The following ADAMTSL3 variants were observed in gnomAD, a reference collection of about 807,000 sequenced individuals.
ADAMTSL3 encodes ADAMTS-like protein 3.
A neutral mutation model predicts 201.7 loss-of-function variants in ADAMTSL3; 128 were observed. The observed-to-expected ratio is 0.63, with a 90% CI of 0.55 to 0.73. The LOEUF (loss-of-function observed/expected upper bound fraction) is 0.73, where lower values mean the gene tolerates loss of function less well. Ranked by LOEUF, ADAMTSL3 falls within the 30% of genes least tolerant of loss-of-function variation. The probability of loss-of-function intolerance (pLI) is 0.00; values close to 1 mark genes in which losing one functional copy is unlikely to be tolerated. For missense variants in ADAMTSL3, 1,990 were observed against 2,119.6 expected, an observed-to-expected ratio of 0.94 and a Z score of 1.20; for synonymous variants, 738 against 748.4, an observed-to-expected ratio of 0.99 and a Z score of 0.23.
intron 26 of ADAMTSL3, among the ~76,000 whole-genome samples, chr15:84,023,083 G>A (rs1464079266): frequency 1.3e-5 from 2 of 152,224 alleles, no homozygotes; most frequent in Non-Finnish European, 1.5e-5. Flanking sequence ...CCACTAGACC[G>A]TAAATTCTAT....
chr15:83,896,493 ATATAT>A (rs200351275), intron 13 of ADAMTSL3, among the ~76,000 whole-genome samples: 1 of 152,194 alleles, frequency 6.6e-6, no homozygotes, highest in Non-Finnish European at 1.5e-5. Context: ...TTTAATAATG[ATATAT>A]TAAATGATGT....
intron 19 of ADAMTSL3, among the ~76,000 whole-genome samples, chr15:83,965,810 G>T (rs2067071626): frequency 6.6e-6 from 1 of 152,080 alleles, no homozygotes; most frequent in Non-Finnish European, 1.5e-5. Flanking sequence ...AAATACAAAA[G>T]AGTGGAAATT....
chr15:83,747,050 G>GT (rs2062558535), intron 3 of ADAMTSL3, among the ~76,000 whole-genome samples: 1 of 152,162 alleles, frequency 6.6e-6, no homozygotes, highest in Non-Finnish European at 1.5e-5. Flanking sequence ...CCTCTGTGTG[G>GT]ACATCGAGAA....
intron 9 of ADAMTSL3, among the ~76,000 whole-genome samples, chr15:83,881,431 T>C (rs1383441754): frequency 6.6e-6 from 1 of 152,244 alleles, no homozygotes; most frequent in African/African-American, 2.4e-5. Flanking sequence ...GGAAAATGCC[T>C]TGAGCAAAAA....
At chr15:83,785,629 A>G (rs1168038997) in intron 4 of ADAMTSL3, among the ~76,000 whole-genome samples, 1 of 152,086 alleles carries the variant, frequency 6.6e-6, no homozygotes, top group Non-Finnish European at 1.5e-5. Context: ...ATGGTGACCA[A>G]CTTTTTGGTA....
intron 20 of ADAMTSL3, among the ~76,000 whole-genome samples, chr15:83,977,828 G>A (rs535219957): frequency 2.6e-5 from 4 of 152,292 alleles, no homozygotes; most frequent in East Asian, 1.9e-4. Context: ...TACTGTAGCC[G>A]GGCCTCCATG....
chr15:83,965,046 C>T (rs540232159), intron 19 of ADAMTSL3, among the ~76,000 whole-genome samples: 172 of 152,240 alleles, frequency 1.1e-3, no homozygotes, highest in South Asian at 6.0e-3. Context: ...AAGGAACAAC[C>T]GGTACCAGCC....
chr15:83,956,698 CACAT>C (rs954028919), intron 19 of ADAMTSL3, among the ~76,000 whole-genome samples: 3 of 152,070 alleles, frequency 2.0e-5, no homozygotes, highest in African/African-American at 4.8e-5. Context: ...CACACACACA[CACAT>C]AACCTGAATA....
At position 83,991,106 on chromosome 15, in the gene ADAMTSL3, G is replaced by A; in HGVS notation, c.3865G>A (p.Val1289Ile). 1.2e-6 allele frequency: 2 copies of A among 1,614,190 alleles called. No homozygotes were observed. Among genetic ancestry groups the A allele is most frequent in the East Asian group, 2.2e-5 (1 of 44,886 alleles). Residue 1289 changes from valine (V) to isoleucine (I), a missense_variant, in exon 23 of 30, where the codon GTT becomes ATT. Coordinates refer to ENST00000286744, the MANE Select transcript of ADAMTSL3 (RefSeq NM_207517.3). ...TTAAGAGGCACCTGTCATCTTGTCT[G>A]TTGAAAGAAATATCACCAAACCAGA... ...LYAEAPVILS[V>I]ERNITKPEHN...
At chr15:83,958,492 G>C (rs976419878) in intron 19 of ADAMTSL3, among the ~76,000 whole-genome samples, 2 of 152,190 alleles carry the variant, frequency 1.3e-5, no homozygotes, top group Non-Finnish European at 2.9e-5. Flanking sequence ...TTTAACACCA[G>C]AGGAGGAAGC....
chr15:83,893,036 T>C lies in ADAMTSL3; in HGVS notation c.1467+148T>C, dbSNP rs376241882. The C allele has an allele frequency of 7.5e-5, 53 of 709,070 alleles. No individual in the cohort carries two copies. In the African/African-American group the frequency reaches 7.9e-4, roughly 11 times the overall value. 43.9% of individuals were successfully genotyped at this position (709,070 alleles called of 1,614,324 possible). Reference sequence around the variant, plus strand: ...TACTCCAAAGAGCTTAGGAAGACAGTTGGAGGACGAGGGAAGAAAGACCAC... The same window carrying C: ...TACTCCAAAGAGCTTAGGAAGACAGCTGGAGGACGAGGGAAGAAAGACCAC... On this transcript the variant is annotated intron_variant, in intron 13 of 29. Transcript: ENST00000286744.
intron 26 of ADAMTSL3, among the ~76,000 whole-genome samples, chr15:84,022,766 C>T (rs1165328344): frequency 6.6e-6 from 1 of 152,170 alleles, no homozygotes; most frequent in East Asian, 1.9e-4. Flanking sequence ...TGGGCTATCT[C>T]TTTTATCGCT....
intron 27 of ADAMTSL3, among the ~76,000 whole-genome samples, chr15:84,027,678 C>G (rs571368448): frequency 2.0e-5 from 3 of 152,096 alleles, no homozygotes; most frequent in African/African-American, 7.2e-5. Context: ...CCACTGCACT[C>G]CAGCCTGGGC....
chr15:83,975,841 T>A (rs1421090248), intron 20 of ADAMTSL3, among the ~76,000 whole-genome samples: 1 of 152,174 alleles, frequency 6.6e-6, no homozygotes, highest in African/African-American at 2.4e-5. Flanking sequence ...CTATAGAGAC[T>A]CTTGAACTCC....
intron 2 of ADAMTSL3, among the ~76,000 whole-genome samples, chr15:83,661,161 A>C (rs1217041793): frequency 6.6e-6 from 1 of 151,922 alleles, no homozygotes; most frequent in Non-Finnish European, 1.5e-5. Flanking sequence ...TGGTACCAGT[A>C]CCATGCTGTT....
chr15:83,735,359 G>C (rs2062353828), intron 3 of ADAMTSL3, among the ~76,000 whole-genome samples: 1 of 152,252 alleles, frequency 6.6e-6, no homozygotes, highest in Middle Eastern at 3.4e-3. Context: ...TAAACTAACA[G>C]TGTTTCTCAG....
At chr15:83,761,921 A>G (rs1408190631) in intron 3 of ADAMTSL3, among the ~76,000 whole-genome samples, 1 of 152,128 alleles carries the variant, frequency 6.6e-6, no homozygotes, top group African/African-American at 2.4e-5. Context: ...AATAACCTAG[A>G]TATTGTCAGG....
intron 8 of ADAMTSL3, 150 bp downstream of exon 8, chr15:83,858,990 A>G: frequency 1.6e-6 from 1 of 632,590 alleles, no homozygotes; most frequent in East Asian, 2.8e-5. Context: ...GCGTCCACTT[A>G]CTTGGCACAG....
At chr15:83,785,001 T>G (rs1041999940) in intron 4 of ADAMTSL3, among the ~76,000 whole-genome samples, 2 of 152,240 alleles carry the variant, frequency 1.3e-5, no homozygotes, top group Non-Finnish European at 2.9e-5. Context: ...ATTATTTCAA[T>G]GCTGATTGTC....
Sources: gnomAD v4.1 joint callset for allele counts (sites outside exome capture counted in the v4.1 genomes callset) on GRCh38, gnomAD v4.1.1 for gene constraint, MANE v1.5 for transcripts, NCBI Gene and HGNC (gene_info 2026-07-23, HGNC 2026-07-21) for gene names.